The following HDAC9 variants were observed in gnomAD, a reference collection of about 807,000 sequenced individuals.
HDAC9 encodes the protein histone deacetylase 9.
HDAC9 carries 41 observed loss-of-function variants against 139.4 expected under a neutral mutation model. That is an observed-to-expected ratio of 0.29 (90% CI 0.23 to 0.38). HDAC9 has a LOEUF of 0.38. Ranked by LOEUF, HDAC9 falls within the 10% of genes least tolerant of loss-of-function variation. The pLI, the probability that HDAC9 is intolerant of heterozygous loss-of-function variation, is 1.00. For missense variants in HDAC9, 1,147 were observed against 1,297.0 expected, an observed-to-expected ratio of 0.88 and a Z score of 1.78; for synonymous variants, 517 against 476.2, an observed-to-expected ratio of 1.09 and a Z score of -1.12.
intron 22 of HDAC9, among the ~76,000 whole-genome samples, chr7:18,934,624 A>G (rs1781493671): frequency 6.6e-6 from 1 of 152,164 alleles, no homozygotes; most frequent in South Asian, 2.1e-4. Flanking sequence ...TCTTACACTG[A>G]ATGAAAACAC....
At chr7:18,717,444 T>A (rs902233070) in intron 12 of HDAC9, among the ~76,000 whole-genome samples, 1 of 151,848 alleles carries the variant, frequency 6.6e-6, no homozygotes, top group Admixed American at 6.6e-5. Context: ...TTTTTTTTTT[T>A]TTTTGAGACG....
At chr7:18,555,035 A>G (rs1015914270) in intron 2 of HDAC9, among the ~76,000 whole-genome samples, 1 of 152,228 alleles carries the variant, frequency 6.6e-6, no homozygotes, top group Non-Finnish European at 1.5e-5. Flanking sequence ...AAAATTGTGT[A>G]GTTGTATAGT....
intron 2 of HDAC9, among the ~76,000 whole-genome samples, chr7:18,572,679 T>C (rs1256951690): frequency 6.6e-6 from 1 of 152,206 alleles, no homozygotes; most frequent in African/African-American, 2.4e-5. Flanking sequence ...GGTACATTTA[T>C]ATCAAATTGA....
At chr7:18,198,078 A>C (rs1340874907) in intron 2 of HDAC9, among the ~76,000 whole-genome samples, 1 of 152,180 alleles carries the variant, frequency 6.6e-6, no homozygotes, top group Non-Finnish European at 1.5e-5. Flanking sequence ...CAGAAAATAA[A>C]CATTAAAGCA....
intron 1 of HDAC9, among the ~76,000 whole-genome samples, chr7:18,135,423 G>C (rs1785320890): frequency 7.2e-6 from 1 of 139,400 alleles, no homozygotes; most frequent in Non-Finnish European, 1.5e-5. Context: ...TCTAGCATTA[G>C]GTATATCTCC....
intron 2 of HDAC9, chr7:18,496,687 A>G (rs961887718): frequency 5.5e-6 from 1 of 181,774 alleles, no homozygotes; most frequent in Non-Finnish European, 1.1e-5. Flanking sequence ...AGGTAAGTTC[A>G]TATTGGGGCT....
At chr7:18,116,100 C>T (rs1258570382) in intron 1 of HDAC9, among the ~76,000 whole-genome samples, 1 of 152,100 alleles carries the variant, frequency 6.6e-6, no homozygotes, top group Non-Finnish European at 1.5e-5. Context: ...GATAATTTTC[C>T]TGTGTTAGAT....
chr7:18,191,309 C>T (rs944544952), intron 2 of HDAC9, among the ~76,000 whole-genome samples: 7 of 152,148 alleles, frequency 4.6e-5, no homozygotes, highest in East Asian at 3.8e-4. Context: ...AACTTGACTA[C>T]GCTCAGTTTA....
chr7:18,833,326 C>A (rs1795995549), intron 19 of HDAC9, among the ~76,000 whole-genome samples: 1 of 152,126 alleles, frequency 6.6e-6, no homozygotes. Flanking sequence ...TTATATTTGA[C>A]TGTTTTAAGT....
chr7:18,451,421 G>GTGTATA (rs1467403452), intron 1 of HDAC9, among the ~76,000 whole-genome samples: 2 of 148,250 alleles, frequency 1.3e-5, no homozygotes, highest in African/African-American at 5.0e-5. Flanking sequence ...GTGTGTGTGT[G>GTGTATA]TATATATATG....
rs144329511 is a variant in HDAC9 at position 18,263,594 on chromosome 7, G to C, written c.25+101245G>C. 6.1e-5 allele frequency among the ~76,000 whole-genome samples: 9 copies of C among 147,490 alleles called. 1 individual carries two copies. The highest frequency in any genetic ancestry group is 2.3e-4 in the African/African-American group (9 of 39,884). ...TCCCTGTGGACTCAGAATCTTGCTTGGTAAGAGTTTATAATTGACTTTTTT... is the reference window on the plus strand; with the variant it reads ...TCCCTGTGGACTCAGAATCTTGCTTCGTAAGAGTTTATAATTGACTTTTTT... On this transcript the variant is annotated intron_variant, in intron 2 of 12. Coordinates refer to the HDAC9 transcript ENST00000417496.
At chr7:18,263,722 C>T (rs1440225491) in intron 2 of HDAC9, among the ~76,000 whole-genome samples, 1 of 151,908 alleles carries the variant, frequency 6.6e-6, no homozygotes, top group Non-Finnish European at 1.5e-5. Flanking sequence ...AATTCTCATG[C>T]CCCAGCCTCC....
chr7:18,320,235 A>T (rs576110872), intron 1 of HDAC9, among the ~76,000 whole-genome samples: 3 of 152,300 alleles, frequency 2.0e-5, no homozygotes, highest in African/African-American at 7.2e-5. Context: ...GGTTGATCAG[A>T]TACTTGATTG....
chr7:18,224,892 A>C (rs961473829), intron 2 of HDAC9, among the ~76,000 whole-genome samples: 4 of 152,130 alleles, frequency 2.6e-5, no homozygotes, highest in Non-Finnish European at 4.4e-5. Flanking sequence ...TTGTCCCCCC[A>C]AAAAAAGCTG....
chr7:18,309,090 G>A (rs552515477), intron 1 of HDAC9, among the ~76,000 whole-genome samples: 32 of 152,272 alleles, frequency 2.1e-4, no homozygotes, highest in African/African-American at 7.5e-4. Flanking sequence ...ATGCATAATT[G>A]TGAGTTTACT....
intron 1 of HDAC9, among the ~76,000 whole-genome samples, chr7:18,118,351 A>G: frequency 6.6e-6 from 1 of 152,160 alleles, no homozygotes; most frequent in East Asian, 1.9e-4. Context: ...TCTGGGTAGA[A>G]TGGGGGTGAA....
At chr7:18,917,036 C>T (rs1314826208) in intron 22 of HDAC9, among the ~76,000 whole-genome samples, 1 of 151,930 alleles carries the variant, frequency 6.6e-6, no homozygotes, top group Non-Finnish European at 1.5e-5. Context: ...ATATTGTGCC[C>T]AATCAGAGAT....
intron 2 of HDAC9, among the ~76,000 whole-genome samples, chr7:18,525,435 T>C (rs13231835): frequency 0.3 from 45,137 of 152,040 alleles, 7,846 homozygotes; most frequent in Middle Eastern, 0.41. Context: ...TTAAAATTAC[T>C]GTGTGAGTAT....
intron 24 of HDAC9, among the ~76,000 whole-genome samples, chr7:18,970,654 T>C (rs1563095351): frequency 6.6e-6 from 1 of 152,152 alleles, no homozygotes; most frequent in Non-Finnish European, 1.5e-5. Context: ...ACGTATTAAG[T>C]TTTAGAAAAT....
Sources: gnomAD v4.1 joint callset for allele counts (sites outside exome capture counted in the v4.1 genomes callset) on GRCh38, gnomAD v4.1.1 for gene constraint, MANE v1.5 for transcripts, NCBI Gene and HGNC (gene_info 2026-07-23, HGNC 2026-07-21) for gene names.